Variants in NRXN3 observed in about 807,000 individuals in gnomAD.
NRXN3 encodes the protein neurexin III.
A neutral mutation model predicts 137.6 loss-of-function variants in NRXN3; 32 were observed. The ratio of observed to expected loss-of-function variants is 0.23; its 90% CI spans 0.18 to 0.31. The LOEUF (loss-of-function observed/expected upper bound fraction) is 0.31. Ranked by LOEUF, NRXN3 falls within the 10% of genes least tolerant of loss-of-function variation. NRXN3 has a pLI of 1.00. For synonymous variants in NRXN3, 798 were observed against 784.5 expected (o/e 1.02, Z -0.29); for missense variants, 1,574 against 2,062.5 (o/e 0.76, Z 4.59).
rs560275221 is a variant in NRXN3 at position 79,295,856 on chromosome 14, A to G, written c.3263-171365A>G. Among the ~76,000 whole-genome samples the G allele has an allele frequency of 3.3e-5, 5 of 152,298 alleles. No homozygotes were observed. The East Asian group carries it at 9.7e-4, about 29-fold the overall frequency. ...AAGTTTTCCCTATCTCCCACTGCAC[A>G]GTGAGTTTCCCAGCCTTCTGTGTTT... On this transcript the variant is annotated intron_variant, in intron 15 of 20. Coordinates refer to ENST00000335750, the MANE Select transcript of NRXN3 (RefSeq NM_001330195.2).
intron 15 of NRXN3, among the ~76,000 whole-genome samples, chr14:79,333,384 C>T (rs993146324): frequency 8.5e-5 from 13 of 152,196 alleles, no homozygotes; most frequent in African/African-American, 2.7e-4. Context: ...TCATAAACCA[C>T]CTTCTTAATT....
At chr14:78,394,563 G>T (rs528436456) in intron 4 of NRXN3, among the ~76,000 whole-genome samples, 161 of 151,766 alleles carry the variant, frequency 1.1e-3, no homozygotes, top group African/African-American at 3.4e-3. Flanking sequence ...TCTCATTTTG[G>T]TATCACGATA....
chr14:79,063,567 T>C (rs1448858666), intron 15 of NRXN3, among the ~76,000 whole-genome samples: 2 of 152,124 alleles, frequency 1.3e-5, no homozygotes, highest in Admixed American at 1.3e-4. Flanking sequence ...TTACCTTTTA[T>C]ATTAACAAAA....
intron 1 of NRXN3, among the ~76,000 whole-genome samples, chr14:78,221,279 A>C (rs1293634160): frequency 6.6e-6 from 1 of 152,140 alleles, no homozygotes; most frequent in Non-Finnish European, 1.5e-5. Context: ...GAGGGTTAGG[A>C]AGAGACAGGA....
intron 1 of NRXN3, among the ~76,000 whole-genome samples, chr14:78,186,952 T>G (rs548424787): frequency 2.7e-4 from 41 of 152,348 alleles, no homozygotes; most frequent in African/African-American, 9.9e-4. Context: ...GCTTTTAAAT[T>G]TCAGAAAACA....
Position 78,599,452 on chromosome 14 carries a change from C to A in NRXN3, c.758-45668C>A, listed in dbSNP as rs139050064. Among the ~76,000 whole-genome samples the A allele has an allele frequency of 3.9e-5, 6 of 152,376 alleles. No homozygotes were observed. In the East Asian group the frequency reaches 1.2e-3, roughly 29 times the overall value. ...CTTATTTCTCAGTCTATAGTTAACACATAGCAATCTGGTGCCTTCGAGTGA... is the reference window on the plus strand; with the variant it reads ...CTTATTTCTCAGTCTATAGTTAACAAATAGCAATCTGGTGCCTTCGAGTGA... On this transcript the variant is annotated intron_variant, in intron 4 of 20. Transcript: ENST00000335750.
intron 15 of NRXN3, among the ~76,000 whole-genome samples, chr14:79,281,175 A>G (rs1267447743): frequency 6.6e-6 from 1 of 152,264 alleles, no homozygotes; most frequent in East Asian, 1.9e-4. Context: ...CACATCTACT[A>G]TTGCTATCAG....
At chr14:79,239,393 A>G (rs1359711185) in intron 15 of NRXN3, among the ~76,000 whole-genome samples, 1 of 152,104 alleles carries the variant, frequency 6.6e-6, no homozygotes, top group Non-Finnish European at 1.5e-5. Flanking sequence ...TTAATTCTGG[A>G]TAAAGGATCT....
chr14:79,257,375 G>A (rs1169177942), intron 15 of NRXN3, among the ~76,000 whole-genome samples: 8 of 129,824 alleles, frequency 6.2e-5, no homozygotes, highest in South Asian at 2.6e-4. Context: ...TGGTGGTGGT[G>A]GTGGTGGTGG....
At chr14:79,699,089 A>T (rs183715331) in intron 19 of NRXN3, among the ~76,000 whole-genome samples, 4 of 152,092 alleles carry the variant, frequency 2.6e-5, no homozygotes, top group Admixed American at 2.0e-4. Flanking sequence ...CAGTGTCATA[A>T]GGGCAATTTT....
chr14:79,456,903 T>C (rs2153597487), intron 15 of NRXN3, among the ~76,000 whole-genome samples: 1 of 152,156 alleles, frequency 6.6e-6, no homozygotes, highest in South Asian at 2.1e-4. Flanking sequence ...ATTCAACAGC[T>C]TGTCTTTACT....
At chr14:79,371,236 T>C (rs1046800667) in intron 15 of NRXN3, among the ~76,000 whole-genome samples, 54 of 152,316 alleles carry the variant, frequency 3.5e-4, no homozygotes, top group African/African-American at 1.1e-3. Flanking sequence ...CCTTTAGTCA[T>C]GTGTTTGTAA....
At chr14:79,333,911 C>CT (rs1210426179) in intron 15 of NRXN3, among the ~76,000 whole-genome samples, 2 of 152,164 alleles carry the variant, frequency 1.3e-5, no homozygotes, top group Non-Finnish European at 2.9e-5. Context: ...CCATCTCTCT[C>CT]TCTCTCTTTT....
At chr14:78,490,851 C>G (rs778131227) in intron 4 of NRXN3, among the ~76,000 whole-genome samples, 1 of 152,258 alleles carries the variant, frequency 6.6e-6, no homozygotes, top group South Asian at 2.1e-4. Flanking sequence ...TCCTAGGTCA[C>G]GGGGTAATAA....
At chr14:78,407,558 C>A (rs17107513) in intron 4 of NRXN3, among the ~76,000 whole-genome samples, 12,427 of 152,084 alleles carry the variant, frequency 0.082, 758 homozygotes, top group African/African-American at 0.18. Context: ...GAATTATAGC[C>A]AGGATTCAGA....
chr14:79,051,233 G>T (rs1012496850), intron 15 of NRXN3, among the ~76,000 whole-genome samples: 5 of 151,960 alleles, frequency 3.3e-5, no homozygotes, highest in Non-Finnish European at 5.9e-5. Flanking sequence ...AAAAAAAATA[G>T]CTAAAACCTC....
intron 1 of NRXN3, among the ~76,000 whole-genome samples, chr14:78,184,651 T>G (rs2060079875): frequency 6.6e-6 from 1 of 152,240 alleles, no homozygotes; most frequent in African/African-American, 2.4e-5. Context: ...TCCATTTTCC[T>G]CACAGAATCT....
intron 1 of NRXN3, among the ~76,000 whole-genome samples, chr14:78,197,420 G>A (rs945240204): frequency 1.3e-5 from 2 of 152,208 alleles, no homozygotes; most frequent in Non-Finnish European, 2.9e-5. Flanking sequence ...TCCTGTGACT[G>A]ACCCCAAACC....
intron 15 of NRXN3, among the ~76,000 whole-genome samples, chr14:79,444,694 G>T (rs1236456150): frequency 6.6e-6 from 1 of 152,164 alleles, no homozygotes; most frequent in Non-Finnish European, 1.5e-5. Context: ...TGGACATGGT[G>T]ACCCATGCCT....
Sources: gnomAD v4.1 joint callset for allele counts (sites outside exome capture counted in the v4.1 genomes callset) on GRCh38, gnomAD v4.1.1 for gene constraint, MANE v1.5 for transcripts, NCBI Gene and HGNC (gene_info 2026-07-23, HGNC 2026-07-21) for gene names.